The following ARAP1 variants were observed in gnomAD, a reference collection of about 807,000 sequenced individuals.
The protein encoded by ARAP1 is arf-GAP with Rho-GAP domain, ANK repeat and PH domain-containing protein 1.
A neutral mutation model predicts 172.2 loss-of-function variants in ARAP1; 76 were observed. The observed-to-expected ratio is 0.44, with a 90% CI of 0.37 to 0.53. The LOEUF is 0.53. ARAP1 is among the 20% of genes least tolerant of loss of function. The pLI, the probability that ARAP1 is intolerant of heterozygous loss-of-function variation, is 0.00. For synonymous variants in ARAP1, 804 were observed against 803.3 expected, an observed-to-expected ratio of 1.00 and a Z score of -0.01; for missense variants, 1,686 against 1,977.5, an observed-to-expected ratio of 0.85 and a Z score of 2.80.
intron 2 of ARAP1, among the ~76,000 whole-genome samples, chr11:72,730,733 C>A (rs916504256): frequency 5.9e-5 from 9 of 152,304 alleles, no homozygotes; most frequent in Non-Finnish European, 8.8e-5. Context: ...GCTGACCCAG[C>A]CACCCATAGG....
At chr11:72,688,429 G>A (rs1449898973) in intron 31 of ARAP1, 26 bp downstream of exon 31, 5 of 1,602,754 alleles carry the variant, frequency 3.1e-6, no homozygotes, top group Non-Finnish European at 4.3e-6. Context: ...CCCAGTAGCA[G>A]GCCTATCTGC....
chr11:72,685,600 A>C lies in ARAP1; in HGVS notation c.*64T>G. The C allele has an allele frequency of 6.2e-7, 1 of 1,609,642 alleles. No homozygotes were observed. The highest frequency in any genetic ancestry group is 8.5e-7 in the Non-Finnish European group (1 of 1,175,986). On this transcript the variant is annotated 3_prime_UTR_variant, in exon 35 of 35. Transcript: ENST00000393609. ...TGGCTCACATCAGGCCTTGGAGCAT[A>C]AGGGGTGTCTGAACAGAAGGCTTCC... is the stretch of plus-strand genomic sequence containing the variant.
rs1857683761 is a variant in ARAP1, at chr11:72,726,174, G to T, written c.509+446C>A. On this transcript the variant is annotated intron_variant, in intron 3 of 34. Coordinates refer to ENST00000393609, the MANE Select transcript of ARAP1 (RefSeq NM_001040118.3). This position sits in a 1 kb window ranked among gnomAD's most constrained non-coding sequence, Gnocchi z 6.5. ...GTGAAAGAGCACACCACCAGGACCT[G>T]GGCAGTCCCCTCACCCCCAACCCTA... Among the ~76,000 whole-genome samples the T allele has an allele frequency of 6.6e-6, 1 of 152,018 alleles. No homozygotes were observed. Among genetic ancestry groups the T allele is most frequent in the South Asian group, 2.1e-4 (1 of 4,826 alleles).
At position 72,714,305 on chromosome 11, in the gene ARAP1, C is replaced by T; in HGVS notation, c.526G>A (p.Glu176Lys). 10 of 1,549,680 alleles carry T rather than the reference C, an allele frequency of 6.5e-6. No individual in the cohort carries two copies. The highest frequency in any genetic ancestry group is 8.7e-6 in the Non-Finnish European group (10 of 1,146,484). ...GATAATGATGGCAGCAATGACTCCT[C>T]CTCCTTAGTGGGCAGGCTGGGAACA... ...RLLVSLPTKE[E>K]ESLLPSLSSP... Residue 176 changes from glutamate to lysine, a missense_variant, in exon 4 of 35, where the codon GAG (glutamate) becomes AAG (lysine). By Grantham distance (56) the Glu-to-Lys change is moderately conservative (BLOSUM62 1). Coordinates refer to ENST00000393609, the MANE Select transcript of ARAP1 (RefSeq NM_001040118.3).
Position 72,685,559 on chromosome 11 carries a change from C to T in ARAP1, c.*105G>A. 1 of 1,485,422 alleles carries T rather than the reference C, an allele frequency of 6.7e-7. No homozygotes were observed. Among genetic ancestry groups the T allele is most frequent in the Non-Finnish European group, 9.4e-7 (1 of 1,065,266 alleles). 92.0% of individuals were successfully genotyped at this position (1,485,422 alleles called of 1,614,324 possible). ...GGATGTGGGTTGTGGGGTGCAGTTT[C>T]CCATGCACCCCCCGCTGGCTCACAT... On this transcript the variant is annotated 3_prime_UTR_variant, in exon 35 of 35. Coordinates refer to ENST00000393609, the MANE Select transcript of ARAP1 (RefSeq NM_001040118.3).
Position 72,702,976 on chromosome 11 carries a change from G to T in ARAP1, c.2096C>A (p.Thr699Lys). ...NCFSGDPEAP[T>K]PLALAEQAGQ... ...CGCCTGCTCTGCAAGAGCCAGGGGC[G>T]TGGGGGCCTCAGGGTCCCCCGAGAA... is the stretch of plus-strand genomic sequence containing the variant. Residue 699 changes from threonine to lysine, a missense_variant, in exon 15 of 35, where the codon ACG becomes AAG. Physicochemically the swap from Thr to Lys is moderately conservative, Grantham distance 78. Transcript: ENST00000393609. 2 of 1,568,130 alleles carry T rather than the reference G, an allele frequency of 1.3e-6. No homozygotes were observed. Among genetic ancestry groups the T allele is most frequent in the Non-Finnish European group, 1.7e-6 (2 of 1,157,522 alleles).
At chr11:72,711,405 G>A (rs756015468) in intron 8 of ARAP1, 25 bp downstream of exon 8, 9 of 1,602,046 alleles carry the variant, frequency 5.6e-6, no homozygotes, top group South Asian at 3.3e-5. Context: ...AGCAGGGGTC[G>A]CGTCAGGACT....
intron 1 of ARAP1, among the ~76,000 whole-genome samples, chr11:72,742,561 G>A (rs1432276581): frequency 6.6e-6 from 1 of 152,170 alleles, no homozygotes; most frequent in Non-Finnish European, 1.5e-5. Flanking sequence ...GGGAGGCTGA[G>A]TGCAGACTGA....
chr11:72,707,153 GC>G (rs2135531348), intron 12 of ARAP1, 21 bp downstream of exon 12: 1 of 1,535,108 alleles, frequency 6.5e-7, no homozygotes, highest in Non-Finnish European at 8.8e-7. Context: ...TCTGCCTGGT[GC>G]CCCGACCCCC....
intron 13 of ARAP1, chr11:72,705,118 C>T (rs866072288): frequency 6.6e-6 from 1 of 152,272 alleles, no homozygotes; most frequent in Admixed American, 6.5e-5. Context: ...TGTGACACTC[C>T]AAGTGTCTGG....
At position 72,698,873 on chromosome 11, in the gene ARAP1, C is replaced by A. The variant is rs899178748; in HGVS notation, c.2541+132G>T. ...CAGTAGGCTCTTGGTGGGACAGGCC[C>A]GCTCCATGTCTGCTGCCCTGCATCT... On this transcript the variant is annotated intron_variant, in intron 18 of 34. Transcript: ENST00000393609. 10 of 953,058 alleles carry A rather than the reference C, an allele frequency of 1.0e-5. 1 individual carries two copies. In the South Asian group the frequency reaches 1.4e-4, roughly 14 times the overall value. The allele number at this position is 953,058 out of a possible 1,614,324, so 59.0% of individuals were successfully genotyped here.
chr11:72,709,758 G>T, intron 11 of ARAP1, 112 bp downstream of exon 11: 1 of 1,115,064 alleles, frequency 9.0e-7, no homozygotes, highest in Non-Finnish European at 1.4e-6. Flanking sequence ...GGGCAGGGCG[G>T]GGCAGGGTGA....
At chr11:72,709,803 C>A in intron 11 of ARAP1, 67 bp downstream of exon 11, 2 of 1,548,014 alleles carry the variant, frequency 1.3e-6, no homozygotes, top group African/African-American at 2.7e-5. Context: ...CAGCTTCCCA[C>A]GTCGCGCAAA....
chr11:72,748,044 G>A (rs1324925557), intron 1 of ARAP1, among the ~76,000 whole-genome samples: 1 of 152,176 alleles, frequency 6.6e-6, no homozygotes, highest in African/African-American at 2.4e-5. Context: ...GGATGATCTT[G>A]GACAAATCAC....
chr11:72,751,598 T>A (rs1858532521), intron 1 of ARAP1, among the ~76,000 whole-genome samples: 1 of 151,956 alleles, frequency 6.6e-6, no homozygotes, highest in Non-Finnish European at 1.5e-5. Flanking sequence ...TATCTGGCCC[T>A]GAAGCACCCC....
intron 29 of ARAP1, 96 bp from the exon 30 acceptor site, chr11:72,692,881 A>G: frequency 2.0e-6 from 3 of 1,480,954 alleles, no homozygotes; most frequent in Non-Finnish European, 2.8e-6. Context: ...TGTGTATGGC[A>G]TGTATGTGCA....
At chr11:72,744,976 C>G (rs1369515634) in intron 1 of ARAP1, among the ~76,000 whole-genome samples, 2 of 152,184 alleles carry the variant, frequency 1.3e-5, no homozygotes, top group African/African-American at 2.4e-5. Context: ...GGGAGGGAAG[C>G]CTTTAGCCAA....
In ARAP1 at chr11:72,695,380, C is replaced by A. The variant is rs1486496345; in HGVS notation, c.3576+7G>T. ...TAGCCCCTTGGCTTCTAGGTCCCAG[C>A]ACCTACCTTGATATGCTGCTCAGTC... On this transcript the variant is annotated splice_region_variant and intron_variant, in intron 26 of 34. Coordinates refer to ENST00000393609, the MANE Select transcript of ARAP1 (RefSeq NM_001040118.3). The surrounding 1 kb of genome is among the most constrained non-coding windows in gnomAD (Gnocchi z 4.4). The A allele has an allele frequency of 6.2e-7, 1 of 1,614,154 alleles. No individual in the cohort carries two copies. The highest frequency in any genetic ancestry group is 1.3e-5 in the African/African-American group (1 of 75,064).
At position 72,727,064 on chromosome 11, in the gene ARAP1, T is replaced by C. The variant is rs1454675251; in HGVS notation, c.65A>G (p.Gln22Arg). 6.2e-7 allele frequency: 1 copy of C among 1,601,038 alleles called. No individual in the cohort carries two copies. The highest frequency in any genetic ancestry group is 8.5e-7 in the Non-Finnish European group (1 of 1,170,258). ...ATGCTGCTCAAAGAGCCCCGTGTAC[T>C]GCTCCAGGTGCAATGCCCGCAGCCA... Reference protein sequence around the residue: ...AEWLRALHLEQYTGLFEQHGL... With the variant: ...AEWLRALHLERYTGLFEQHGL... The change falls in exon 3 of 35, where the codon CAG (glutamine) becomes CGG (arginine). Residue 22 changes from glutamine to arginine, a missense_variant. This residue lies in a region of ARAP1 where 190 missense variants were observed against 228.6 expected (regional missense o/e 0.83). Transcript: ENST00000393609.
Sources: gnomAD v4.1 joint callset for allele counts (sites outside exome capture counted in the v4.1 genomes callset) on GRCh38, gnomAD v4.1.1 for gene constraint, gnomAD v4.1.1 regional missense constraint, Gnocchi (gnomAD v3.1) non-coding constraint, MANE v1.5 for transcripts, NCBI Gene and HGNC (gene_info 2026-07-23, HGNC 2026-07-21) for gene names.